The following PDLIM5 variants were observed in gnomAD, a reference collection of about 807,000 sequenced individuals.
PDLIM5 encodes the protein PDZ and LIM domain protein 5.
A neutral mutation model predicts 64.2 loss-of-function variants in PDLIM5; 34 were observed. That is an observed-to-expected ratio of 0.53 (90% CI 0.40 to 0.71). PDLIM5 has a LOEUF of 0.71. PDLIM5 is among the 30% of genes least tolerant of loss of function. The pLI is 0.00. For synonymous variants in PDLIM5, 253 were observed against 269.1 expected (o/e 0.94, Z 0.59); for missense variants, 683 against 733.6 (o/e 0.93, Z 0.80).
At chr4:94,484,912 A>G (rs1000566190) in intron 2 of PDLIM5, among the ~76,000 whole-genome samples, 2 of 152,320 alleles carry the variant, frequency 1.3e-5, no homozygotes, top group South Asian at 2.1e-4. Context: ...CCTAATATTT[A>G]TCTTGACATG....
intron 5 of PDLIM5, chr4:94,577,337 T>C (rs1338999682): frequency 2.2e-6 from 1 of 456,380 alleles, no homozygotes; most frequent in East Asian, 7.0e-5. Flanking sequence ...CATGGCAACT[T>C]TGGGGCTTTG....
chr4:94,476,505 C>T (rs1377304084), intron 2 of PDLIM5, among the ~76,000 whole-genome samples: 2 of 152,196 alleles, frequency 1.3e-5, no homozygotes, highest in East Asian at 3.9e-4. Flanking sequence ...ATAAAACCCC[C>T]TGCCAAACCT....
chr4:94,533,548 C>T (rs1367504066), intron 3 of PDLIM5, among the ~76,000 whole-genome samples: 1 of 152,192 alleles, frequency 6.6e-6, no homozygotes, highest in Non-Finnish European at 1.5e-5. Flanking sequence ...TGAAATTAGG[C>T]AAACTTGATC....
chr4:94,531,722 A>G (rs1446873327), intron 3 of PDLIM5, among the ~76,000 whole-genome samples: 1 of 152,150 alleles, frequency 6.6e-6, no homozygotes, highest in African/African-American at 2.4e-5. Flanking sequence ...TGCTGTGGCA[A>G]AGGACTTAAT....
chr4:94,472,600 G>A (rs1724980327), intron 2 of PDLIM5, among the ~76,000 whole-genome samples: 1 of 152,146 alleles, frequency 6.6e-6, no homozygotes. Context: ...TCCAGCATCA[G>A]CTGCCTGTGG....
intron 2 of PDLIM5, among the ~76,000 whole-genome samples, chr4:94,496,901 G>C (rs1727451005): frequency 6.6e-6 from 1 of 152,212 alleles, no homozygotes; most frequent in Admixed American, 6.5e-5. Flanking sequence ...GTACATTGAA[G>C]TAGTTCCAGA....
chr4:94,523,921 G>A (rs1249872612), intron 3 of PDLIM5, 46 bp downstream of exon 3: 1 of 1,488,068 alleles, frequency 6.7e-7, no homozygotes, highest in Non-Finnish European at 9.3e-7. Context: ...CAACATTGAG[G>A]AATGTGTTTT....
rs1176720371 is a variant in PDLIM5 at position 94,666,247 on chromosome 4, A to G, written c.*2180A>G. On this transcript the variant is annotated 3_prime_UTR_variant, in exon 13 of 13. Coordinates refer to ENST00000317968, the MANE Select transcript of PDLIM5 (RefSeq NM_006457.5). ...CATCTGTCCTGAAAGCTGTTAATTT[A>G]TGGTCTAGCAGATTTATATTATATG... The G allele has an allele frequency of 4.3e-6, 2 of 461,812 alleles. No individual in the cohort carries two copies. The highest frequency in any genetic ancestry group is 3.8e-6 in the Non-Finnish European group (1 of 263,230). 28.6% of individuals were successfully genotyped at this position (461,812 alleles called of 1,614,324 possible).
chr4:94,568,890 T>G (rs1734568608), intron 3 of PDLIM5, among the ~76,000 whole-genome samples: 1 of 152,194 alleles, frequency 6.6e-6, no homozygotes, highest in African/African-American at 2.4e-5. Context: ...TTGGAATACT[T>G]TAGAAGATTG....
At chr4:94,590,175 A>G (rs1736569086) in intron 7 of PDLIM5, among the ~76,000 whole-genome samples, 1 of 152,218 alleles carries the variant, frequency 6.6e-6, no homozygotes, top group South Asian at 2.1e-4. Context: ...TTTGTGGAAA[A>G]CAAAAGCATT....
chr4:94,513,726 G>T (rs1729101535), intron 2 of PDLIM5, among the ~76,000 whole-genome samples: 1 of 152,098 alleles, frequency 6.6e-6, no homozygotes. Flanking sequence ...TTGTTTGTTT[G>T]TTTGATTGTT....
intron 2 of PDLIM5, among the ~76,000 whole-genome samples, chr4:94,459,987 A>AT (rs1723732369): frequency 6.6e-6 from 1 of 152,228 alleles, no homozygotes; most frequent in Admixed American, 6.5e-5. Context: ...TCAAGCTGAA[A>AT]TGAGAGAGCC....
At chr4:94,509,828 T>C (rs200293842) in intron 2 of PDLIM5, among the ~76,000 whole-genome samples, 24 of 146,006 alleles carry the variant, frequency 1.6e-4, no homozygotes, top group East Asian at 6.3e-4. Context: ...TCTAGCCATG[T>C]TGGCAGCTGA....
At chr4:94,472,149 TACACACACACACGCGC>T (rs1012566824) in intron 2 of PDLIM5, among the ~76,000 whole-genome samples, 4 of 152,020 alleles carry the variant, frequency 2.6e-5, no homozygotes, top group Admixed American at 2.6e-4. Context: ...ATTTTTTTAA[TACACACACACACGCGC>T]ACACACACAC....
intron 7 of PDLIM5, among the ~76,000 whole-genome samples, chr4:94,612,608 C>T (rs1387864848): frequency 1.3e-5 from 2 of 152,064 alleles, no homozygotes; most frequent in Non-Finnish European, 2.9e-5. Flanking sequence ...ACCTCTAGAG[C>T]GAGTATTAGT....
chr4:94,551,440 C>T (rs1370863226), intron 3 of PDLIM5, among the ~76,000 whole-genome samples: 1 of 152,102 alleles, frequency 6.6e-6, no homozygotes, highest in Non-Finnish European at 1.5e-5. Flanking sequence ...CCCTTGAATT[C>T]TCCCAAATCA....
chr4:94,578,581 G>A (rs939075475), intron 5 of PDLIM5, among the ~76,000 whole-genome samples: 20 of 152,080 alleles, frequency 1.3e-4, no homozygotes, highest in Admixed American at 2.6e-4. Flanking sequence ...TTTCATTCAC[G>A]ATATTTAGAC....
At chr4:94,629,201 A>T (rs568404881) in intron 8 of PDLIM5, among the ~76,000 whole-genome samples, 1 of 152,082 alleles carries the variant, frequency 6.6e-6, no homozygotes, top group East Asian at 1.9e-4. Context: ...ATACAAAAAT[A>T]AGCTGGGCGT....
intron 3 of PDLIM5, among the ~76,000 whole-genome samples, chr4:94,538,642 G>T (rs887623540): frequency 1.2e-4 from 18 of 152,220 alleles, no homozygotes; most frequent in Middle Eastern, 3.4e-3. Flanking sequence ...GGGAAATTCT[G>T]GATTTAGTGG....
Sources: gnomAD v4.1 joint callset for allele counts (sites outside exome capture counted in the v4.1 genomes callset) on GRCh38, gnomAD v4.1.1 for gene constraint, MANE v1.5 for transcripts, NCBI Gene and HGNC (gene_info 2026-07-23, HGNC 2026-07-21) for gene names.